The following MYOZ3 variants were observed in gnomAD, a reference collection of about 807,000 sequenced individuals.
MYOZ3 encodes the protein myozenin 3.
MYOZ3 carries 19 observed loss-of-function variants against 26.5 expected under a neutral mutation model. The observed-to-expected ratio is 0.72, with a 90% CI of 0.50 to 1.05. MYOZ3 has a LOEUF of 1.05. MYOZ3 is among the 50% of genes least tolerant of loss of function. The probability of loss-of-function intolerance (pLI) is 0.00; values close to 1 mark genes in which losing one functional copy is unlikely to be tolerated. For missense variants in MYOZ3, 322 were observed against 337.1 expected, an observed-to-expected ratio of 0.96 and a Z score of 0.35; for synonymous variants, 135 against 138.8, an observed-to-expected ratio of 0.97 and a Z score of 0.19.
intron 6 of MYOZ3, among the ~76,000 whole-genome samples, chr5:150,675,558 C>A (rs113428172): frequency 0.088 from 13,356 of 151,988 alleles, 1,818 homozygotes; most frequent in African/African-American, 0.29. Context: ...TTTTTACTAG[C>A]GACGGGGTTT....
chr5:150,674,523 A>C (rs1180569089), intron 6 of MYOZ3, among the ~76,000 whole-genome samples: 1 of 152,210 alleles, frequency 6.6e-6, no homozygotes, highest in Non-Finnish European at 1.5e-5. Context: ...GACACCACCC[A>C]GCCTGTTCCT....
intron 3 of MYOZ3, 46 bp downstream of exon 3, chr5:150,670,684 A>G: frequency 1.3e-6 from 2 of 1,560,360 alleles, no homozygotes; most frequent in South Asian, 2.4e-5. Context: ...AGGACCACAG[A>G]GAGCCACTGG....
At chr5:150,665,216 C>T (rs775963784) in intron 2 of MYOZ3, among the ~76,000 whole-genome samples, 6 of 152,032 alleles carry the variant, frequency 3.9e-5, no homozygotes, top group Non-Finnish European at 8.8e-5. Context: ...AACGTGCTCT[C>T]GGAAGGGAAG....
At chr5:150,672,713 G>A in intron 6 of MYOZ3, 5 of 562,388 alleles carry the variant, frequency 8.9e-6, no homozygotes, top group Non-Finnish European at 1.5e-5. Context: ...TGAAGGTGCC[G>A]CACATCTTGG....
chr5:150,665,468 G>A (rs1758793817), intron 2 of MYOZ3, among the ~76,000 whole-genome samples: 1 of 152,110 alleles, frequency 6.6e-6, no homozygotes, highest in African/African-American at 2.4e-5. Flanking sequence ...CTGAGTCCCA[G>A]TTTTCACAAT....
In MYOZ3 at chr5:150,677,500, A is replaced by T. The variant is rs1190856430; in HGVS notation, c.*625A>T. ...GCATAACTTATCCATGGTTTGTGTC[A>T]TTAGGAGTCCACATCCACACCTCTG... On this transcript the variant is annotated 3_prime_UTR_variant, in exon 7 of 7. Transcript: ENST00000517768. 1 of 152,514 alleles carries T rather than the reference A, an allele frequency of 6.6e-6. No homozygotes were observed. The highest frequency in any genetic ancestry group is 2.1e-4 in the South Asian group (1 of 4,818). 9.4% of individuals were successfully genotyped at this position (152,514 alleles called of 1,614,324 possible).
At chr5:150,676,656 T>C (rs1226632950) in intron 6 of MYOZ3, 51 bp from the exon 7 acceptor site, 1 of 1,580,612 alleles carries the variant, frequency 6.3e-7, no homozygotes, top group Non-Finnish European at 8.6e-7. Context: ...GTCAGTGTAC[T>C]GCTGTCCCTG....
At chr5:150,672,300 G>GT (rs1194426734) in intron 5 of MYOZ3, 40 bp from the exon 6 acceptor site, 25 of 1,558,712 alleles carry the variant, frequency 1.6e-5, no homozygotes, top group Non-Finnish European at 2.1e-5. Context: ...GGGGCTGAGG[G>GT]TGGAAGAACG....
At chr5:150,668,548 A>G (rs1469861212) in intron 2 of MYOZ3, among the ~76,000 whole-genome samples, 3 of 151,976 alleles carry the variant, frequency 2.0e-5, no homozygotes, top group Non-Finnish European at 4.4e-5. Flanking sequence ...ACCTATTCTC[A>G]TTTCTTTATG....
intron 2 of MYOZ3, among the ~76,000 whole-genome samples, chr5:150,666,413 G>A (rs1758809616): frequency 6.6e-6 from 1 of 151,426 alleles, no homozygotes; most frequent in African/African-American, 2.4e-5. Flanking sequence ...CAGGAGTTTG[G>A]GACCAGCCTG....
At chr5:150,674,084 C>A (rs1253118094) in intron 6 of MYOZ3, among the ~76,000 whole-genome samples, 3 of 152,200 alleles carry the variant, frequency 2.0e-5, no homozygotes, top group Non-Finnish European at 4.4e-5. Context: ...CCTCAAATAT[C>A]TGAATAGGCA....
rs1335146943 is a variant in MYOZ3, at chr5:150,677,915, G to C, written c.*1040G>C. 1 of 145,828 alleles carries C rather than the reference G, an allele frequency of 6.9e-6. No homozygotes were observed. 9.0% of individuals were successfully genotyped at this position (145,828 alleles called of 1,614,324 possible). ...GTGGGAGGCGTGAGAGTCCATGAAG[G>C]GGGTGTGAGGGGGAGGGTATTTCTG... is the stretch of plus-strand genomic sequence containing the variant. On this transcript the variant is annotated 3_prime_UTR_variant, in exon 7 of 7. Transcript: ENST00000517768.
rs1218666543 is a variant in MYOZ3, at chr5:150,677,057, G to T, written c.*182G>T. 5.0e-6 allele frequency: 3 copies of T among 598,452 alleles called. No homozygotes were observed. Among genetic ancestry groups the T allele is most frequent in the Admixed American group, 3.0e-5 (1 of 33,382 alleles). The allele number at this position is 598,452 out of a possible 1,614,324, so 37.1% of individuals were successfully genotyped here. The stretch of plus-strand genomic sequence containing the variant: ...TGGGTGTGTTTCAAAATTACCTGGG[G>T]ATGTTGTTCCAAATCCAGACAACTG... On this transcript the variant is annotated 3_prime_UTR_variant, in exon 7 of 7. Coordinates refer to ENST00000517768, the MANE Select transcript of MYOZ3 (RefSeq NM_001122853.3).
rs1473430534 is a variant in MYOZ3 at position 150,672,465 on chromosome 5, C to T, written c.550C>T (p.His184Tyr). 6.2e-7 allele frequency: 1 copy of T among 1,603,160 alleles called. No homozygotes were observed. The highest frequency in any genetic ancestry group is 1.3e-5 in the African/African-American group (1 of 74,746). The change falls in exon 6 of 7, where the codon CAC becomes TAC. Residue 184 changes from histidine (H) to tyrosine (Y), a missense_variant. Coordinates refer to ENST00000517768, the MANE Select transcript of MYOZ3 (RefSeq NM_001122853.3). ...YRDYQSDGRS[H>Y]TPSPNDYRNF... ...GGACTACCAGAGCGATGGCCGAAGTCACACCCCCAGCCCCAACGACTACCG... is the reference window on the plus strand; with the variant it reads ...GGACTACCAGAGCGATGGCCGAAGTTACACCCCCAGCCCCAACGACTACCG...
At position 150,679,098 on chromosome 5, in the gene MYOZ3, C is replaced by T. The variant is rs2151451656; in HGVS notation, c.*2223C>T. 1 of 152,416 alleles carries T rather than the reference C, an allele frequency of 6.6e-6. No homozygotes were observed. The highest frequency in any genetic ancestry group is 1.5e-5 in the Non-Finnish European group (1 of 68,024). 9.4% of individuals were successfully genotyped at this position (152,416 alleles called of 1,614,324 possible). ...TGGTGTTTTCTCTTGAATTTGGGGGCTGCCATTTAAAGCCAGGTTTCCATG... is the reference window on the plus strand; with the variant it reads ...TGGTGTTTTCTCTTGAATTTGGGGGTTGCCATTTAAAGCCAGGTTTCCATG... On this transcript the variant is annotated 3_prime_UTR_variant, in exon 7 of 7. Coordinates refer to ENST00000517768, the MANE Select transcript of MYOZ3 (RefSeq NM_001122853.3).
intron 2 of MYOZ3, among the ~76,000 whole-genome samples, chr5:150,666,034 A>T (rs1051018030): frequency 4.9e-5 from 5 of 101,848 alleles, no homozygotes; most frequent in Non-Finnish European, 7.2e-5. Context: ...AAACTCGTCT[A>T]AAAAAAAAAA....
chr5:150,668,380 T>C (rs1345557647), intron 2 of MYOZ3, among the ~76,000 whole-genome samples: 1 of 152,226 alleles, frequency 6.6e-6, no homozygotes, highest in Non-Finnish European at 1.5e-5. Context: ...AGTCTCTCTA[T>C]CATACCTGAA....
chr5:150,672,141 C>G, intron 5 of MYOZ3, 199 bp from the exon 6 acceptor site: 1 of 1,027,854 alleles, frequency 9.7e-7, no homozygotes, highest in Non-Finnish European at 1.5e-6. Flanking sequence ...GTGGCTTCCT[C>G]ACTGCAGTCC....
chr5:150,676,543 C>CAAAAAAAAAAA (rs749959393), intron 6 of MYOZ3, among the ~76,000 whole-genome samples, 164 bp from the exon 7 acceptor site: 1 of 57,974 alleles, frequency 1.7e-5, no homozygotes, highest in African/African-American at 5.4e-5. Flanking sequence ...GACTCTGTCT[C>CAAAAAAAAAAA]AAAAAAAAAA....
Sources: allele counts gnomAD v4.1 joint callset (sites outside exome capture counted in the v4.1 genomes callset), GRCh38; gene constraint gnomAD v4.1.1; transcripts MANE v1.5; gene names NCBI Gene and HGNC (gene_info 2026-07-23, HGNC 2026-07-21).